The following GARNL3 variants were observed in gnomAD, a reference collection of about 807,000 sequenced individuals.
GARNL3 encodes GTPase activating Rap/RanGAP domain like 3, also known as GTPase-activating Rap/Ran-GAP domain-like protein 3.
Under a neutral mutation model 125.0 loss-of-function variants are expected in GARNL3, and 63 were observed. The observed-to-expected ratio is 0.50, with a 90% CI of 0.41 to 0.62. The LOEUF (loss-of-function observed/expected upper bound fraction) is 0.62, where lower values mean the gene tolerates loss of function less well. GARNL3 is among the 20% of genes least tolerant of loss of function. GARNL3 has a pLI of 0.00. For missense variants in GARNL3, 994 were observed against 1,244.0 expected, an observed-to-expected ratio of 0.80 and a Z score of 3.02; for synonymous variants, 439 against 457.5, an observed-to-expected ratio of 0.96 and a Z score of 0.52.
rs1444472596 is a variant in GARNL3 at position 127,385,577 on chromosome 9, A to G, written c.2388+432A>G. ...TGGCTAATTGATTAATCCCTGCCTCATAACCCACAGCTAGGGCAAAACGGA... is the reference window on the plus strand; with the variant it reads ...TGGCTAATTGATTAATCCCTGCCTCGTAACCCACAGCTAGGGCAAAACGGA... On this transcript the variant is annotated intron_variant, in intron 24 of 27. Transcript: ENST00000373387. This position sits in a 1 kb window ranked among gnomAD's most constrained non-coding sequence, Gnocchi z 4.1. Among the ~76,000 whole-genome samples, 1 of 152,168 alleles carries G rather than the reference A, an allele frequency of 6.6e-6. No individual in the cohort carries two copies. The highest frequency in any genetic ancestry group is 2.4e-5 in the African/African-American group (1 of 41,450).
chr9:127,360,826 C>G (rs556202269), intron 21 of GARNL3, among the ~76,000 whole-genome samples: 1 of 152,186 alleles, frequency 6.6e-6, no homozygotes, highest in Non-Finnish European at 1.5e-5. Context: ...TTGTACCCAC[C>G]CCGGGTTCTG....
At chr9:127,265,099 G>T (rs2063674603) in intron 1 of GARNL3, 78 bp downstream of exon 1, 2 of 1,313,906 alleles carry the variant, frequency 1.5e-6, no homozygotes, top group Non-Finnish European at 2.1e-6. Context: ...CAGATCTTTT[G>T]TTGTATATTT....
chr9:127,250,280 C>CT (rs1193844752), intron 2 of GARNL3, among the ~76,000 whole-genome samples: 1 of 152,276 alleles, frequency 6.6e-6, no homozygotes, highest in East Asian at 1.9e-4. Flanking sequence ...CTTGTATACT[C>CT]TGAGTTTTGA....
chr9:127,336,657 A>G (rs1048029476), intron 11 of GARNL3, among the ~76,000 whole-genome samples: 1 of 152,220 alleles, frequency 6.6e-6, no homozygotes, highest in Non-Finnish European at 1.5e-5. Flanking sequence ...CTGTTGTATT[A>G]CCATCTCTTG....
At chr9:127,291,011 T>C (rs58470320) in intron 1 of GARNL3, among the ~76,000 whole-genome samples, 157 bp from the exon 2 acceptor site, 98 of 152,358 alleles carry the variant, frequency 6.4e-4, no homozygotes, top group African/African-American at 2.3e-3. Context: ...GAGCCAACTG[T>C]ATGAGTACCT....
Position 127,370,993 on chromosome 9 carries a change from G to A in GARNL3, c.2161+5627G>A, listed in dbSNP as rs563490176. Among the ~76,000 whole-genome samples the A allele has an allele frequency of 3.3e-5, 5 of 152,104 alleles. No homozygotes were observed. In the South Asian group the frequency reaches 6.2e-4, roughly 19 times the overall value. Reference sequence around the variant, plus strand: ...GACTCAACCTGTCCACCCTGAACTCGAGATCTTTCCTCCTCACATGTGCTC... The same window carrying A: ...GACTCAACCTGTCCACCCTGAACTCAAGATCTTTCCTCCTCACATGTGCTC... On this transcript the variant is annotated intron_variant, in intron 22 of 27. Coordinates refer to ENST00000373387, the MANE Select transcript of GARNL3 (RefSeq NM_032293.5).
chr9:127,375,349 C>A (rs1465388552), intron 22 of GARNL3, among the ~76,000 whole-genome samples: 1 of 151,746 alleles, frequency 6.6e-6, no homozygotes, highest in Non-Finnish European at 1.5e-5. Context: ...ACCTGTAATT[C>A]TAGCTACTCA....
In GARNL3 at chr9:127,326,934, G is replaced by A. The variant is rs553367281; in HGVS notation, c.594+1839G>A. On this transcript the variant is annotated intron_variant, in intron 7 of 27. Transcript: ENST00000373387. ...ATTGGACCTCCCAGCCTCCAGAACT[G>A]TGAGAAATAAATTTCTGTTATTTTT... Among the ~76,000 whole-genome samples the A allele has an allele frequency of 3.9e-5, 6 of 152,192 alleles. No homozygotes were observed. The South Asian group carries it at 1.2e-3, about 32-fold the overall frequency.
chr9:127,283,931 C>G (rs1760423094), intron 1 of GARNL3, among the ~76,000 whole-genome samples: 1 of 152,174 alleles, frequency 6.6e-6, no homozygotes, highest in Non-Finnish European at 1.5e-5. Flanking sequence ...AAATCCTGTC[C>G]TCTTTTCTTA....
At chr9:127,325,188 G>T (rs1424674478) in intron 7 of GARNL3, 93 bp downstream of exon 7, 29 of 1,245,604 alleles carry the variant, frequency 2.3e-5, no homozygotes, top group Admixed American at 9.2e-5. Context: ...TTTGCTTTCA[G>T]CCAAATCTCC....
rs1379267665 is a variant in GARNL3 at position 127,339,735 on chromosome 9, CT to C, written c.1124del (p.Leu375CysfsTer2). ...TTACAGACCACCAGGAATTCAGGGA[CT>C]TTTTGCTAGTGAAATGTAAGTTTCT... ...VFTDHQEFRD[F>X]LLVKLINGEK... On this transcript the variant is annotated frameshift_variant, in exon 13 of 28. Coordinates refer to ENST00000373387, the MANE Select transcript of GARNL3 (RefSeq NM_032293.5). LOFTEE classifies it high-confidence loss of function. The C allele has an allele frequency of 1.2e-6, 2 of 1,611,204 alleles. No individual in the cohort carries two copies. Among genetic ancestry groups the C allele is most frequent in the Non-Finnish European group, 1.7e-6 (2 of 1,177,388 alleles).
At chr9:127,350,456 T>C (rs1350923735) in intron 17 of GARNL3, among the ~76,000 whole-genome samples, 1 of 152,168 alleles carries the variant, frequency 6.6e-6, no homozygotes, top group African/African-American at 2.4e-5. Context: ...TTATCTTTAC[T>C]ATGTCTCTAT....
chr9:127,300,266 C>A, intron 2 of GARNL3: 2 of 257,832 alleles, frequency 7.8e-6, no homozygotes, highest in South Asian at 4.5e-5. Flanking sequence ...TTTTTAAGAT[C>A]AATTTCAAAA....
chr9:127,380,336 GAAA>G (rs1243793115), intron 22 of GARNL3, among the ~76,000 whole-genome samples: 1 of 151,108 alleles, frequency 6.6e-6, no homozygotes, highest in East Asian at 1.9e-4. Context: ...ACAAAACACA[GAAA>G]AAAATAACAA....
At chr9:127,387,464 T>C (rs1477348924) in intron 25 of GARNL3, 133 bp downstream of exon 25, 3 of 929,672 alleles carry the variant, frequency 3.2e-6, no homozygotes, top group African/African-American at 3.4e-5. Flanking sequence ...AGAAACTAGC[T>C]GAGCGTGGTG....
At chr9:127,346,406 A>T (rs550182267) in intron 16 of GARNL3, among the ~76,000 whole-genome samples, 9 of 152,328 alleles carry the variant, frequency 5.9e-5, no homozygotes, top group South Asian at 4.1e-4. Flanking sequence ...TGATGAGCTC[A>T]AAATATAATT....
Position 127,355,335 on chromosome 9 carries a change from G to A in GARNL3, c.1798G>A (p.Glu600Lys), listed in dbSNP as rs1328774274. ...LYAINTHHSR[E>K]LRIVVAIRNK... is the part of the protein sequence containing the mutation. The stretch of plus-strand genomic sequence containing the variant: ...TGCTATTAACACTCACCACAGCAGA[G>A]AGCTGAGGATTGTGGTTGCAATTCG... Residue 600 changes from glutamate to lysine, a missense_variant, in exon 20 of 28, where the codon GAG (glutamate) becomes AAG (lysine). Transcript: ENST00000373387. 1.9e-6 allele frequency: 3 copies of A among 1,614,062 alleles called. No individual in the cohort carries two copies. Among genetic ancestry groups the A allele is most frequent in the Non-Finnish European group, 2.5e-6 (3 of 1,180,014 alleles).
intron 22 of GARNL3, among the ~76,000 whole-genome samples, chr9:127,379,721 C>T (rs1832135543): frequency 6.6e-6 from 1 of 152,040 alleles, no homozygotes; most frequent in East Asian, 1.9e-4. Flanking sequence ...TACTGAAGTG[C>T]CATACAGTGA....
At chr9:127,306,921 A>G (rs1157710502) in intron 2 of GARNL3, among the ~76,000 whole-genome samples, 1 of 152,148 alleles carries the variant, frequency 6.6e-6, no homozygotes, top group African/African-American at 2.4e-5. Context: ...TAATTATAAT[A>G]CATTAAATAA....
Sources: allele counts gnomAD v4.1 joint callset (sites outside exome capture counted in the v4.1 genomes callset), GRCh38; gene constraint gnomAD v4.1.1; non-coding constraint Gnocchi (gnomAD v3.1); transcripts MANE v1.5; gene names NCBI Gene and HGNC (gene_info 2026-07-23, HGNC 2026-07-21).